The following TBCA variants were observed in gnomAD, a reference collection of about 807,000 sequenced individuals.
The protein encoded by TBCA is tubulin folding cofactor A.
TBCA carries 6 observed loss-of-function variants against 15.8 expected under a neutral mutation model. That is an observed-to-expected ratio of 0.38 (90% CI 0.21 to 0.75). TBCA has a LOEUF of 0.75. Ranked by LOEUF, TBCA falls within the 30% of genes least tolerant of loss-of-function variation. The pLI, the probability that TBCA is intolerant of heterozygous loss-of-function variation, is 0.46. For synonymous variants in TBCA, 32 were observed against 42.3 expected, an observed-to-expected ratio of 0.76 and a Z score of 0.94; for missense variants, 90 against 131.2, an observed-to-expected ratio of 0.69 and a Z score of 1.53.
chr5:77,693,430 C>G, intron 2 of TBCA, 78 bp from the exon 3 acceptor site: 1 of 1,470,302 alleles, frequency 6.8e-7, no homozygotes. Context: ...GTAAGTATAT[C>G]CTTATTAAGA....
chr5:77,704,650 T>C (rs2112433773), intron 2 of TBCA, among the ~76,000 whole-genome samples: 1 of 152,076 alleles, frequency 6.6e-6, no homozygotes, highest in East Asian at 1.9e-4. Flanking sequence ...AGCAGTCCTT[T>C]TGGTTATGCA....
chr5:77,695,867 G>A (rs1406476481), intron 2 of TBCA, among the ~76,000 whole-genome samples: 2 of 152,132 alleles, frequency 1.3e-5, no homozygotes, highest in Non-Finnish European at 2.9e-5. Flanking sequence ...ACTCACTGAT[G>A]TCTAATTGTT....
chr5:77,754,020 T>A (rs1328179069), intron 1 of TBCA, among the ~76,000 whole-genome samples: 2 of 152,206 alleles, frequency 1.3e-5, no homozygotes, highest in Non-Finnish European at 2.9e-5. Flanking sequence ...CCTCCCAAAA[T>A]GCTGGGATTA....
intron 1 of TBCA, among the ~76,000 whole-genome samples, chr5:77,758,571 A>G (rs986986228): frequency 4.6e-5 from 7 of 152,176 alleles, no homozygotes; most frequent in Non-Finnish European, 8.8e-5. Context: ...CCTTCCTTCT[A>G]CAACACGGTG....
chr5:77,737,970 T>C (rs1202518975), intron 1 of TBCA, among the ~76,000 whole-genome samples: 5 of 152,236 alleles, frequency 3.3e-5, no homozygotes, highest in African/African-American at 1.2e-4. Flanking sequence ...TCTGCTCTGG[T>C]GCAGTAGTAA....
chr5:77,712,820 T>C (rs1232345832), intron 1 of TBCA, among the ~76,000 whole-genome samples: 1 of 152,178 alleles, frequency 6.6e-6, no homozygotes, highest in Non-Finnish European at 1.5e-5. Flanking sequence ...TTTCTCTAGA[T>C]GCTATTATGG....
intron 1 of TBCA, among the ~76,000 whole-genome samples, chr5:77,725,676 G>C (rs1746618187): frequency 6.6e-6 from 1 of 152,200 alleles, no homozygotes; most frequent in Non-Finnish European, 1.5e-5. Flanking sequence ...CCTCCGTAAT[G>C]TGTGTTGCTT....
rs540738951 is a variant in TBCA, at chr5:77,739,588, A to T, written c.54-31241T>A. On this transcript the variant is annotated intron_variant, in intron 1 of 3. Transcript: ENST00000380377. ...AGTCCTTAAAAATCAGTTTTTAAAC[A>T]TCAAGAGACCCACTAGCACTGTTCC... Among the ~76,000 whole-genome samples, 3 of 152,334 alleles carry T rather than the reference A, an allele frequency of 2.0e-5. No homozygotes were observed. The South Asian group carries it at 6.2e-4, about 32-fold the overall frequency.
At chr5:77,747,772 A>G (rs2112488206) in intron 1 of TBCA, among the ~76,000 whole-genome samples, 1 of 152,286 alleles carries the variant, frequency 6.6e-6, no homozygotes, top group Admixed American at 6.5e-5. Flanking sequence ...AGTGTTTGAA[A>G]CATGAAGTAC....
chr5:77,705,212 C>A (rs1746121459), intron 2 of TBCA, among the ~76,000 whole-genome samples: 1 of 152,124 alleles, frequency 6.6e-6, no homozygotes, highest in African/African-American at 2.4e-5. Flanking sequence ...CACATTTATT[C>A]CTCTACTCCA....
At chr5:77,699,520 T>C (rs936214657) in intron 2 of TBCA, among the ~76,000 whole-genome samples, 1 of 152,202 alleles carries the variant, frequency 6.6e-6, no homozygotes, top group Admixed American at 6.5e-5. Context: ...CTGGAGCAAC[T>C]GGACATTGAC....
chr5:77,730,379 G>A (rs454505), intron 1 of TBCA, among the ~76,000 whole-genome samples: 57,810 of 149,488 alleles, frequency 0.39, 11,047 homozygotes, highest in South Asian at 0.41. Context: ...AAGCCAAAGA[G>A]GCAAAGAAGG....
chr5:77,741,044 G>A (rs1355631477), intron 1 of TBCA, among the ~76,000 whole-genome samples: 1 of 152,190 alleles, frequency 6.6e-6, no homozygotes, highest in African/African-American at 2.4e-5. Flanking sequence ...AGCTTTTTAT[G>A]AAAGTGGGAA....
chr5:77,754,414 T>C (rs1004870122), intron 1 of TBCA, among the ~76,000 whole-genome samples: 2 of 152,232 alleles, frequency 1.3e-5, no homozygotes, highest in African/African-American at 4.8e-5. Context: ...AATGCGTTTT[T>C]TAAATTGAAA....
intron 1 of TBCA, among the ~76,000 whole-genome samples, chr5:77,747,487 G>A (rs1274823203): frequency 1.3e-5 from 2 of 152,082 alleles, no homozygotes; most frequent in Non-Finnish European, 2.9e-5. Flanking sequence ...TGTGCTATAA[G>A]AATCAGATAT....
intron 3 of TBCA, chr5:77,692,427 T>C (rs1745772719): frequency 1.0e-6 from 1 of 962,780 alleles, no homozygotes; most frequent in Non-Finnish European, 1.2e-6. Context: ...AAATATATCA[T>C]CCAAATACAT....
At chr5:77,769,718 T>C (rs1189453345) in intron 1 of TBCA, among the ~76,000 whole-genome samples, 1 of 152,040 alleles carries the variant, frequency 6.6e-6, no homozygotes, top group Non-Finnish European at 1.5e-5. Context: ...TGATGTAAAA[T>C]TCTATAATCA....
At chr5:77,706,438 T>C (rs351875) in intron 2 of TBCA, among the ~76,000 whole-genome samples, 135,723 of 152,082 alleles carry the variant, frequency 0.89, 61,438 homozygotes, top group Non-Finnish European at 0.98. Context: ...AGGGAGGCTT[T>C]TGCAATAAAT....
At chr5:77,754,436 A>G (rs538350137) in intron 1 of TBCA, among the ~76,000 whole-genome samples, 11 of 152,328 alleles carry the variant, frequency 7.2e-5, no homozygotes, top group African/African-American at 2.6e-4. Context: ...ATATCCAGAC[A>G]TTTAATGAAA....
Sources: allele counts gnomAD v4.1 joint callset (sites outside exome capture counted in the v4.1 genomes callset), GRCh38; gene constraint gnomAD v4.1.1; transcripts MANE v1.5; gene names NCBI Gene and HGNC (gene_info 2026-07-23, HGNC 2026-07-21).